The following MPP4 variants were observed in gnomAD, a reference collection of about 807,000 sequenced individuals.
MPP4 encodes MAGUK p55 subfamily member 4.
MPP4 carries 91 observed loss-of-function variants against 98.3 expected under a neutral mutation model. The observed-to-expected ratio is 0.93, with a 90% CI of 0.78 to 1.10. The LOEUF is 1.10. Among genes scored for constraint, MPP4 ranks in the 50% least tolerant of loss-of-function variants. The probability of loss-of-function intolerance (pLI) is 0.00; values close to 1 mark genes in which losing one functional copy is unlikely to be tolerated. For synonymous variants in MPP4, 261 were observed against 271.8 expected, an observed-to-expected ratio of 0.96 and a Z score of 0.39; for missense variants, 744 against 792.9, an observed-to-expected ratio of 0.94 and a Z score of 0.74.
chr2:201,660,363 G>C lies in MPP4; in HGVS notation c.1073-17C>G, dbSNP rs968981911. Reference sequence around the variant, plus strand: ...AAAGTTCCTCTGGATATTTGGGTAAGTGCAGAAACAGACATGAAAAAGTTA... The same window carrying C: ...AAAGTTCCTCTGGATATTTGGGTAACTGCAGAAACAGACATGAAAAAGTTA... On this transcript the variant is annotated splice_polypyrimidine_tract_variant and intron_variant, in intron 14 of 21. Coordinates refer to ENST00000409474, the MANE Select transcript of MPP4 (RefSeq NM_033066.3). The C allele has an allele frequency of 1.2e-6, 2 of 1,613,108 alleles. No individual in the cohort carries two copies. The highest frequency in any genetic ancestry group is 2.7e-5 in the African/African-American group (2 of 74,906).
chr2:201,686,551 T>C (rs1326977997), intron 5 of MPP4, among the ~76,000 whole-genome samples: 2 of 152,174 alleles, frequency 1.3e-5, no homozygotes, highest in East Asian at 3.9e-4. Flanking sequence ...GGTATGATCA[T>C]AGGGTATGAT....
intron 9 of MPP4, 75 bp from the exon 10 acceptor site, chr2:201,681,109 ATC>A: frequency 6.9e-7 from 1 of 1,448,356 alleles, no homozygotes; most frequent in Non-Finnish European, 9.4e-7. Flanking sequence ...CCCATGGGCC[ATC>A]ATGACTTAAA....
intron 1 of MPP4, among the ~76,000 whole-genome samples, chr2:201,695,314 C>A (rs1359786896): frequency 6.6e-6 from 1 of 152,204 alleles, no homozygotes; most frequent in Non-Finnish European, 1.5e-5. Context: ...GCCTACTGCT[C>A]TTTAAGCAAA....
At chr2:201,651,463 G>T (rs1687710491) in intron 18 of MPP4, 10 of 985,248 alleles carry the variant, frequency 1.0e-5, no homozygotes, top group Non-Finnish European at 1.1e-5. Flanking sequence ...GCTTCCACTG[G>T]ACTAATATTT....
chr2:201,674,352 CAAAGAAGG>C (rs1455795326), intron 11 of MPP4, among the ~76,000 whole-genome samples: 1 of 152,120 alleles, frequency 6.6e-6, no homozygotes. Context: ...CTTCTAAATC[CAAAGAAGG>C]AATGTCAACG....
chr2:201,686,980 T>A (rs563390106), intron 5 of MPP4, among the ~76,000 whole-genome samples: 4 of 152,220 alleles, frequency 2.6e-5, no homozygotes, highest in Non-Finnish European at 5.9e-5. Context: ...GAGGTATTCC[T>A]CTATAACTAG....
chr2:201,685,353 C>A (rs576895432), intron 6 of MPP4, among the ~76,000 whole-genome samples: 1 of 152,082 alleles, frequency 6.6e-6, no homozygotes, highest in African/African-American at 2.4e-5. Context: ...CAACCAGGGA[C>A]GGAGGGGCCA....
intron 20 of MPP4, among the ~76,000 whole-genome samples, chr2:201,648,893 G>A (rs1347443986): frequency 6.6e-6 from 1 of 151,948 alleles, no homozygotes; most frequent in African/African-American, 2.4e-5. Context: ...GCGAAACCCT[G>A]TCTCTACTAA....
At chr2:201,697,828 G>T in intron 1 of MPP4, 1 of 588,160 alleles carries the variant, frequency 1.7e-6, no homozygotes, top group Non-Finnish European at 2.1e-6. Context: ...CATTCAAGGA[G>T]GTATTCAGTA....
intron 20 of MPP4, among the ~76,000 whole-genome samples, chr2:201,648,275 G>A (rs892486904): frequency 6.6e-6 from 1 of 152,012 alleles, no homozygotes; most frequent in Non-Finnish European, 1.5e-5. Context: ...CTCCCATCTC[G>A]GCTTTCCAAG....
intron 4 of MPP4, among the ~76,000 whole-genome samples, chr2:201,689,052 G>A (rs745465392): frequency 6.6e-6 from 1 of 152,178 alleles, no homozygotes; most frequent in Non-Finnish European, 1.5e-5. Context: ...TTTAGGCCAG[G>A]TGTGGTGGCT....
At chr2:201,669,660 G>T (rs994460688) in intron 12 of MPP4, 73 bp downstream of exon 12, 1 of 1,096,934 alleles carries the variant, frequency 9.1e-7, no homozygotes, top group South Asian at 2.5e-5. Flanking sequence ...GAATTAAAGT[G>T]AATTCTTTAA....
At chr2:201,687,428 T>A in intron 4 of MPP4, 57 bp from the exon 5 acceptor site, 1 of 1,320,064 alleles carries the variant, frequency 7.6e-7, no homozygotes, top group Non-Finnish European at 1.1e-6. Flanking sequence ...ATCACCTACT[T>A]AACCTCACCC....
intron 10 of MPP4, among the ~76,000 whole-genome samples, chr2:201,676,806 A>G (rs539476060): frequency 6.6e-6 from 1 of 152,318 alleles, no homozygotes; most frequent in South Asian, 2.1e-4. Context: ...AGGCTGAGGC[A>G]GGGAAATGGC....
At chr2:201,680,655 C>A (rs1372734125) in intron 10 of MPP4, 183 bp downstream of exon 10, 1 of 563,768 alleles carries the variant, frequency 1.8e-6, no homozygotes, top group East Asian at 2.8e-5. Flanking sequence ...ATTCTCGTCT[C>A]CTTGGTATTT....
At chr2:201,651,480 T>G in intron 18 of MPP4, 1 of 985,452 alleles carries the variant, frequency 1.0e-6, no homozygotes, top group Non-Finnish European at 1.2e-6. Flanking sequence ...ATTTATATGG[T>G]AGGTTAAAGT....
intron 18 of MPP4, chr2:201,651,748 G>A: frequency 1.6e-6 from 1 of 619,926 alleles, no homozygotes; most frequent in Non-Finnish European, 2.0e-6. Flanking sequence ...GGGGTCAGGA[G>A]TACAAGACCA....
chr2:201,685,032 G>T, intron 7 of MPP4, 32 bp downstream of exon 7: 1 of 1,581,594 alleles, frequency 6.3e-7, no homozygotes, highest in Non-Finnish European at 8.6e-7. Context: ...CTGTTTTTCT[G>T]GTAACTCTCA....
chr2:201,668,673 T>A (rs555766283), intron 12 of MPP4, among the ~76,000 whole-genome samples: 1 of 152,296 alleles, frequency 6.6e-6, no homozygotes, highest in African/African-American at 2.4e-5. Flanking sequence ...AAATATCTGT[T>A]GTTTAAGCCA....
Sources: allele counts gnomAD v4.1 joint callset (sites outside exome capture counted in the v4.1 genomes callset), GRCh38; gene constraint gnomAD v4.1.1; transcripts MANE v1.5; gene names NCBI Gene and HGNC (gene_info 2026-07-23, HGNC 2026-07-21).